The following SLC39A11 variants were observed in gnomAD, a reference collection of about 807,000 sequenced individuals.
The protein encoded by SLC39A11 is zinc transporter ZIP11.
A neutral mutation model predicts 36.1 loss-of-function variants in SLC39A11; 33 were observed. That is an observed-to-expected ratio of 0.91 (90% CI 0.69 to 1.22). The LOEUF is 1.22. Among genes scored for constraint, SLC39A11 ranks in the 50% most tolerant of loss-of-function variants. The pLI is 0.00. For missense variants in SLC39A11, 432 were observed against 430.3 expected (o/e 1.00, Z -0.03); for synonymous variants, 166 against 170.3 (o/e 0.97, Z 0.20).
intron 6 of SLC39A11, among the ~76,000 whole-genome samples, chr17:72,786,291 A>G (rs1001097069): frequency 3.3e-5 from 5 of 152,210 alleles, no homozygotes; most frequent in Non-Finnish European, 7.3e-5. Context: ...TTCTTAGTTA[A>G]TACTGTAACT....
At chr17:72,736,556 C>A (rs915761979) in intron 7 of SLC39A11, 94 bp downstream of exon 7, 1 of 1,092,816 alleles carries the variant, frequency 9.2e-7, no homozygotes, top group East Asian at 2.4e-5. Flanking sequence ...GGGTGCTGAA[C>A]AATAATGCAC....
chr17:72,987,991 TTTTTA>T (rs764291735), intron 4 of SLC39A11, among the ~76,000 whole-genome samples: 44 of 152,324 alleles, frequency 2.9e-4, no homozygotes, highest in Admixed American at 5.2e-4. Flanking sequence ...TCAGCTCTCT[TTTTTA>T]TTATTTTTGT....
intron 3 of SLC39A11, among the ~76,000 whole-genome samples, chr17:73,042,302 G>C (rs1382574275): frequency 6.6e-6 from 1 of 152,168 alleles, no homozygotes; most frequent in Non-Finnish European, 1.5e-5. Flanking sequence ...CACTGAATGT[G>C]TCAACTCTTC....
chr17:72,811,399 A>G (rs576079599), intron 6 of SLC39A11, among the ~76,000 whole-genome samples: 2 of 152,330 alleles, frequency 1.3e-5, no homozygotes, highest in South Asian at 4.1e-4. Flanking sequence ...TGGGGGTACA[A>G]ACATTCAGGC....
chr17:72,859,178 C>G (rs1346111147), intron 5 of SLC39A11, among the ~76,000 whole-genome samples: 5 of 152,212 alleles, frequency 3.3e-5, no homozygotes, highest in African/African-American at 1.2e-4. Flanking sequence ...TTCTTTCCCT[C>G]ATAGCTTGGG....
chr17:73,017,803 T>C (rs2058217236), intron 4 of SLC39A11, among the ~76,000 whole-genome samples: 1 of 152,058 alleles, frequency 6.6e-6, no homozygotes, highest in South Asian at 2.1e-4. Flanking sequence ...CAGAGGAGGA[T>C]CATCACACAA....
chr17:72,686,385 G>T (rs373047503), intron 7 of SLC39A11, among the ~76,000 whole-genome samples: 1 of 152,148 alleles, frequency 6.6e-6, no homozygotes, highest in Non-Finnish European at 1.5e-5. Flanking sequence ...ACTGGGGTCT[G>T]CCTGCACTTT....
intron 5 of SLC39A11, among the ~76,000 whole-genome samples, chr17:72,903,796 A>G (rs2146978831): frequency 6.6e-6 from 1 of 152,272 alleles, no homozygotes; most frequent in East Asian, 1.9e-4. Flanking sequence ...GGGAGACAAA[A>G]TATCCTGAGG....
chr17:72,794,525 G>A (rs1357263339), intron 6 of SLC39A11, among the ~76,000 whole-genome samples: 1 of 151,986 alleles, frequency 6.6e-6, no homozygotes, highest in Non-Finnish European at 1.5e-5. Flanking sequence ...AGGCCCCGGT[G>A]TCCTGTCCTC....
intron 7 of SLC39A11, among the ~76,000 whole-genome samples, chr17:72,722,079 G>A (rs200916855): frequency 2.7e-5 from 4 of 147,142 alleles, no homozygotes; most frequent in Non-Finnish European, 6.0e-5. Flanking sequence ...AGTAGCCAAA[G>A]AAAAAAAAAA....
chr17:73,084,754 C>T (rs546266428), intron 3 of SLC39A11, 54 bp downstream of exon 3: 3 of 1,590,438 alleles, frequency 1.9e-6, no homozygotes, highest in Non-Finnish European at 1.7e-6. Flanking sequence ...TTGGCAGACA[C>T]ATGTCAGAAT....
intron 6 of SLC39A11, among the ~76,000 whole-genome samples, chr17:72,842,251 C>T (rs191382067): frequency 1.1e-3 from 160 of 152,126 alleles, no homozygotes; most frequent in African/African-American, 3.8e-3. Context: ...AAGGATACAG[C>T]AAGACAGCAC....
rs1199925811 is a variant in SLC39A11 at position 72,809,203 on chromosome 17, C to CTT, written c.601+40430_601+40431insAA. Among the ~76,000 whole-genome samples the CTT allele has an allele frequency of 3.4e-3, 482 of 143,768 alleles. 1 individual carries two copies. Among genetic ancestry groups the CTT allele is most frequent in the African/African-American group, 0.012 (461 of 39,726 alleles). The allele number at this position is 143,768 out of a possible 152,430, so 94.3% of individuals were successfully genotyped here. ...AGATCATCTTCTTTCTTTTCTTTCT[C>CTT]TCTCTCTCTCTCTCTCTCTCTCTCT... On this transcript the variant is annotated intron_variant, in intron 6 of 9. Coordinates refer to ENST00000255559, the MANE Select transcript of SLC39A11 (RefSeq NM_139177.4).
intron 5 of SLC39A11, among the ~76,000 whole-genome samples, chr17:72,940,682 C>T (rs532600480): frequency 1.2e-4 from 19 of 152,198 alleles, no homozygotes; most frequent in Non-Finnish European, 2.6e-4. Flanking sequence ...ATGAGGCTAA[C>T]GTAAGGAGGC....
chr17:72,708,465 A>G (rs1258059279), intron 7 of SLC39A11, among the ~76,000 whole-genome samples: 1 of 152,208 alleles, frequency 6.6e-6, no homozygotes, highest in Non-Finnish European at 1.5e-5. Context: ...TAATCACATG[A>G]GCAAATTCTT....
At chr17:72,918,499 C>G (rs1567951582) in intron 5 of SLC39A11, among the ~76,000 whole-genome samples, 1 of 152,154 alleles carries the variant, frequency 6.6e-6, no homozygotes, top group Non-Finnish European at 1.5e-5. Context: ...CACCTTGCAC[C>G]CACCCAGTCT....
chr17:72,751,780 T>C (rs1313894081), intron 6 of SLC39A11, among the ~76,000 whole-genome samples: 1 of 152,192 alleles, frequency 6.6e-6, no homozygotes, highest in African/African-American at 2.4e-5. Flanking sequence ...TTTTGTTATG[T>C]CAGCCAGGCT....
At chr17:73,047,985 AAAAAAATATATATATATATATAT>A (rs1371136618) in intron 3 of SLC39A11, among the ~76,000 whole-genome samples, 11 of 53,480 alleles carry the variant, frequency 2.1e-4, no homozygotes, top group Admixed American at 1.9e-3. Context: ...AAAAAAAAAA[AAAAAAATATATATATATATATAT>A]ATATATATAT....
chr17:72,879,625 A>G (rs1274770203), intron 5 of SLC39A11, among the ~76,000 whole-genome samples: 1 of 152,162 alleles, frequency 6.6e-6, no homozygotes, highest in Admixed American at 6.5e-5. Flanking sequence ...CAGGGTGAAC[A>G]AGAATGACAA....
Sources: gnomAD v4.1 joint callset for allele counts (sites outside exome capture counted in the v4.1 genomes callset) on GRCh38, gnomAD v4.1.1 for gene constraint, MANE v1.5 for transcripts, NCBI Gene and HGNC (gene_info 2026-07-23, HGNC 2026-07-21) for gene names.